SLC71A2: variants seen among roughly 807,000 people sequenced by gnomAD.
SLC71A2 encodes the protein solute carrier family 71 member 2.
At chr9:94,386,384 T>G in the SLC71A2 span, among the ~76,000 whole-genome samples, 2 of 151,368 alleles carry the variant, frequency 1.3e-5, no homozygotes, top group Non-Finnish European at 2.9e-5. Flanking sequence ...TTTTCCTGAT[T>G]TTGTACTCAG....
the SLC71A2 span, among the ~76,000 whole-genome samples, chr9:94,400,632 C>G: frequency 2.6e-5 from 4 of 151,770 alleles, no homozygotes; most frequent in South Asian, 2.1e-4. Context: ...CCCCATACCC[C>G]CTTTAGTGAG....
chr9:94,454,443 C>G, the SLC71A2 span, among the ~76,000 whole-genome samples: 1 of 152,116 alleles, frequency 6.6e-6, no homozygotes, highest in Non-Finnish European at 1.5e-5. Context: ...TCTCAGCTCA[C>G]TGCAACCTCT....
At chr9:94,397,083 A>C in the SLC71A2 span, among the ~76,000 whole-genome samples, 2 of 152,136 alleles carry the variant, frequency 1.3e-5, no homozygotes, top group Non-Finnish European at 2.9e-5. Context: ...AACATTTAAT[A>C]GTACTAATTT....
At chr9:94,419,658 A>T in the SLC71A2 span, among the ~76,000 whole-genome samples, 1 of 151,792 alleles carries the variant, frequency 6.6e-6, no homozygotes, top group Non-Finnish European at 1.5e-5. Flanking sequence ...GCTGGTCTTG[A>T]ACTCCTCCTC....
the SLC71A2 span, among the ~76,000 whole-genome samples, chr9:94,433,574 A>C: frequency 6.6e-6 from 1 of 151,106 alleles, no homozygotes; most frequent in Admixed American, 6.6e-5. Context: ...TTTATTATTT[A>C]ACAAACACTG....
At chr9:94,406,090 G>A in the SLC71A2 span, among the ~76,000 whole-genome samples, 1 of 1,216 alleles carries the variant, frequency 8.2e-4, no homozygotes, top group Non-Finnish European at 2.7e-3. Context: ...TTTTTTTTGA[G>A]GCTGGGTGTC....
the SLC71A2 span, among the ~76,000 whole-genome samples, chr9:94,409,163 A>T: frequency 1.3e-5 from 1 of 78,480 alleles, no homozygotes; most frequent in Admixed American, 1.8e-4. Context: ...TTTTAAGGCA[A>T]GGTTTCACTC....
At chr9:94,439,077 A>C in the SLC71A2 span, among the ~76,000 whole-genome samples, 2 of 127,368 alleles carry the variant, frequency 1.6e-5, no homozygotes, top group Non-Finnish European at 3.1e-5. Flanking sequence ...GCTGGAGTGC[A>C]GTGGCACGAT....
At chr9:94,406,951 G>C in the SLC71A2 span, among the ~76,000 whole-genome samples, 1 of 152,220 alleles carries the variant, frequency 6.6e-6, no homozygotes, top group African/African-American at 2.4e-5. Flanking sequence ...ATACTGAATA[G>C]AAGTGGGGAA....
chr9:94,445,311 T>A, the SLC71A2 span: 25 of 724,312 alleles, frequency 3.5e-5, no homozygotes, highest in East Asian at 6.5e-4. Context: ...ATAGAAAAAA[T>A]TAATTGCAAG....
the SLC71A2 span, among the ~76,000 whole-genome samples, chr9:94,379,258 G>T: frequency 5.4e-5 from 8 of 148,988 alleles, no homozygotes; most frequent in Admixed American, 2.7e-4. Flanking sequence ...GGATAATTTT[G>T]TATTTTTAGT....
At chr9:94,456,843 A>T in the SLC71A2 span, among the ~76,000 whole-genome samples, 1 of 152,294 alleles carries the variant, frequency 6.6e-6, no homozygotes, top group East Asian at 1.9e-4. Context: ...TAAGACTGCT[A>T]TGTGGAAAAT....
the SLC71A2 span, among the ~76,000 whole-genome samples, chr9:94,443,462 C>G: frequency 6.6e-6 from 1 of 152,210 alleles, no homozygotes; most frequent in Non-Finnish European, 1.5e-5. Context: ...CTTACTCAGA[C>G]TTCTTCAGTA....
chr9:94,456,902 T>C, the SLC71A2 span, among the ~76,000 whole-genome samples: 1 of 152,034 alleles, frequency 6.6e-6, no homozygotes. Context: ...TGCCTCTGCT[T>C]CCCTTCCTGT....
At chr9:94,417,853 ACCCCACCC>A in the SLC71A2 span, among the ~76,000 whole-genome samples, 88 of 44,610 alleles carry the variant, frequency 2.0e-3, no homozygotes, top group African/African-American at 3.5e-3. Context: ...GCAAGTTCCC[ACCCCACCC>A]CCCCCCCCCC....
chr9:94,445,120 G>C, the SLC71A2 span: 1 of 1,614,210 alleles, frequency 6.2e-7, no homozygotes, highest in South Asian at 1.1e-5. Context: ...ATCTCTGCCT[G>C]AGAAAATGAG....
chr9:94,429,221 C>T, the SLC71A2 span: 1 of 1,605,036 alleles, frequency 6.2e-7, no homozygotes, highest in Non-Finnish European at 8.5e-7. Flanking sequence ...AACACACATT[C>T]CTCATGAATG....
At chr9:94,443,832 T>G in the SLC71A2 span, among the ~76,000 whole-genome samples, 1 of 152,210 alleles carries the variant, frequency 6.6e-6, no homozygotes, top group African/African-American at 2.4e-5. Flanking sequence ...CCTGATATTC[T>G]TGAATAAAGT....
chr9:94,413,146 A>G, the SLC71A2 span, among the ~76,000 whole-genome samples: 252 of 151,632 alleles, frequency 1.7e-3, no homozygotes, highest in Middle Eastern at 3.4e-3. Flanking sequence ...TAAAAAAATA[A>G]AAGTCTTGGG....
Sources: gnomAD v4.1 joint callset for allele counts (sites outside exome capture counted in the v4.1 genomes callset) on GRCh38, gnomAD v4.1.1 for gene constraint, MANE v1.5 for transcripts, NCBI Gene and HGNC (gene_info 2026-07-23, HGNC 2026-07-21) for gene names.